The following IL1R1 variants were observed in gnomAD, a reference collection of about 807,000 sequenced individuals.
The protein encoded by IL1R1 is interleukin-1 receptor type 1.
In IL1R1, 22 loss-of-function variants were observed where a neutral mutation model predicts 50.2. That is an observed-to-expected ratio of 0.44 (90% confidence interval 0.31 to 0.63). The LOEUF (loss-of-function observed/expected upper bound fraction) is 0.63. Ranked by LOEUF, IL1R1 falls within the 20% of genes least tolerant of loss-of-function variation. The pLI is 0.07. For missense variants in IL1R1, 509 were observed against 676.2 expected, an observed-to-expected ratio of 0.75 and a Z score of 2.74; for synonymous variants, 251 against 236.7, an observed-to-expected ratio of 1.06 and a Z score of -0.55.
At chr2:102,171,737 T>A (rs1449969446) in intron 7 of IL1R1, 64 bp from the exon 8 acceptor site, 6 of 885,888 alleles carry the variant, frequency 6.8e-6, no homozygotes, top group Non-Finnish European at 1.0e-5. Flanking sequence ...CAATAGCCAT[T>A]TATTAATCTA....
At chr2:102,122,189 A>G (rs1681443075) in intron 1 of IL1R1, among the ~76,000 whole-genome samples, 1 of 152,228 alleles carries the variant, frequency 6.6e-6, no homozygotes, top group Admixed American at 6.5e-5. Flanking sequence ...CTGGAAGAAG[A>G]AAACATACTG....
At chr2:102,086,866 T>G (rs1679453486) in intron 1 of IL1R1, among the ~76,000 whole-genome samples, 1 of 152,180 alleles carries the variant, frequency 6.6e-6, no homozygotes, top group Admixed American at 6.5e-5. Flanking sequence ...GTGGACCTAC[T>G]CAGAGTGACC....
chr2:102,158,346 A>C (rs1381190546), intron 3 of IL1R1, among the ~76,000 whole-genome samples: 1 of 152,236 alleles, frequency 6.6e-6, no homozygotes, highest in Non-Finnish European at 1.5e-5. Flanking sequence ...ACAGATAAGT[A>C]GACATATATT....
chr2:102,176,158 G>A, intron 11 of IL1R1, 195 bp from the exon 12 acceptor site: 1 of 558,804 alleles, frequency 1.8e-6, no homozygotes, highest in East Asian at 3.1e-5. Context: ...CTGCGCTCCA[G>A]TGTGAGCAAC....
At chr2:102,161,485 T>A (rs1412212908) in intron 3 of IL1R1, among the ~76,000 whole-genome samples, 1 of 152,208 alleles carries the variant, frequency 6.6e-6, no homozygotes. Flanking sequence ...TCTATGTTGT[T>A]ACTGATTATC....
intron 1 of IL1R1, among the ~76,000 whole-genome samples, chr2:102,089,032 C>T (rs753594307): frequency 1.3e-5 from 2 of 152,188 alleles, no homozygotes; most frequent in African/African-American, 4.8e-5. Context: ...GAAACTTTCT[C>T]CATATCAACA....
At chr2:102,172,921 C>T (rs901832247) in intron 9 of IL1R1, 83 bp downstream of exon 9, 11 of 912,454 alleles carry the variant, frequency 1.2e-5, no homozygotes, top group Non-Finnish European at 1.7e-5. Flanking sequence ...GCCATTTCCT[C>T]TGCTTAGAAC....
chr2:102,114,171 A>G (rs995267345), intron 1 of IL1R1, among the ~76,000 whole-genome samples: 6 of 152,246 alleles, frequency 3.9e-5, no homozygotes, highest in Non-Finnish European at 8.8e-5. Flanking sequence ...AGTTTTTAAA[A>G]GAGATATGAT....
chr2:102,160,398 ATTACTATTTTCTTC>A (rs1684610334), intron 3 of IL1R1, among the ~76,000 whole-genome samples: 1 of 151,814 alleles, frequency 6.6e-6, no homozygotes, highest in Non-Finnish European at 1.5e-5. Context: ...TCTGATCCAT[ATTACTATTTTCTTC>A]TTACTTCTGT....
At chr2:102,124,702 A>C (rs762238390) in intron 1 of IL1R1, among the ~76,000 whole-genome samples, 5 of 151,960 alleles carry the variant, frequency 3.3e-5, no homozygotes, top group Non-Finnish European at 5.9e-5. Context: ...TGAATCACTT[A>C]AGGTCAGGAG....
chr2:102,142,742 C>G (rs1277814137), upstream of IL1R1: 2 of 150,376 alleles, frequency 1.3e-5, no homozygotes, highest in African/African-American at 4.9e-5. Context: ...GAGCCGCGCC[C>G]GGCAGTTCCC....
intron 8 of IL1R1, 113 bp downstream of exon 8, chr2:102,172,031 C>CTT (rs35265416): frequency 0.19 from 16,945 of 88,722 alleles, 2,959 homozygotes; most frequent in Non-Finnish European, 0.25. Context: ...CCTTTGCTGC[C>CTT]TTTTTTTTTT....
chr2:102,118,892 C>T (rs927738599), intron 1 of IL1R1, among the ~76,000 whole-genome samples: 11 of 151,804 alleles, frequency 7.2e-5, no homozygotes, highest in Non-Finnish European at 1.5e-4. Flanking sequence ...GTGGCAGGCA[C>T]CTGTAGTCCC....
intron 1 of IL1R1, among the ~76,000 whole-genome samples, chr2:102,072,527 C>A (rs573038740): frequency 6.6e-6 from 1 of 152,204 alleles, no homozygotes; most frequent in African/African-American, 2.4e-5. Context: ...TATCTTAATT[C>A]ACATTTCTTT....
At chr2:102,125,289 CAACA>C (rs1406369019) in intron 1 of IL1R1, among the ~76,000 whole-genome samples, 3 of 152,170 alleles carry the variant, frequency 2.0e-5, no homozygotes, top group African/African-American at 4.8e-5. Flanking sequence ...CTTGTCTCAA[CAACA>C]AACAAACAAA....
chr2:102,095,662 G>A (rs1032029528), intron 1 of IL1R1, among the ~76,000 whole-genome samples: 5 of 152,164 alleles, frequency 3.3e-5, no homozygotes, highest in Admixed American at 1.3e-4. Context: ...TGTTTCTGTA[G>A]TGTTAGCATT....
At chr2:102,146,378 C>T (rs1166091366) in intron 1 of IL1R1, among the ~76,000 whole-genome samples, 2 of 152,084 alleles carry the variant, frequency 1.3e-5, no homozygotes, top group East Asian at 3.8e-4. Flanking sequence ...TTTAAAAAAT[C>T]AATGTAATAC....
At chr2:102,089,318 G>T (rs1679559349) in intron 1 of IL1R1, among the ~76,000 whole-genome samples, 1 of 152,198 alleles carries the variant, frequency 6.6e-6, no homozygotes, top group African/African-American at 2.4e-5. Context: ...AGAATAGGAA[G>T]GAGACAGAGA....
At chr2:102,115,942 T>C (rs1197405475) in intron 1 of IL1R1, among the ~76,000 whole-genome samples, 1 of 152,190 alleles carries the variant, frequency 6.6e-6, no homozygotes, top group Non-Finnish European at 1.5e-5. Context: ...TGGGAGGCAG[T>C]GGAGCCTTGC....
Sources: allele counts gnomAD v4.1 joint callset (sites outside exome capture counted in the v4.1 genomes callset), GRCh38; gene constraint gnomAD v4.1.1; transcripts MANE v1.5; gene names NCBI Gene and HGNC (gene_info 2026-07-23, HGNC 2026-07-21).